ARHGEF18: variants seen among roughly 807,000 people sequenced by gnomAD.
ARHGEF18 encodes rho guanine nucleotide exchange factor 18.
A neutral mutation model predicts 155.7 loss-of-function variants in ARHGEF18; 93 were observed. That is an observed-to-expected ratio of 0.60 (90% CI 0.50 to 0.71). The LOEUF (loss-of-function observed/expected upper bound fraction) is 0.71. Ranked by LOEUF, ARHGEF18 falls within the 30% of genes least tolerant of loss-of-function variation. The pLI is 0.00. For missense variants in ARHGEF18, 1,593 were observed against 1,816.1 expected (o/e 0.88, Z 2.23); for synonymous variants, 742 against 753.1 (o/e 0.99, Z 0.24).
In ARHGEF18 at chr19:7,395,031, GC is replaced by G; in HGVS notation, c.967+11832del. On this transcript the variant is annotated intron_variant, in intron 10 of 28. Coordinates refer to ENST00000668164, the MANE Select transcript of ARHGEF18 (RefSeq NM_001367823.1). The surrounding 1 kb of genome is among the most constrained non-coding windows in gnomAD (Gnocchi z 5.0). ...GCAGCAGCCCCAGGTCCCCGGGAGC[GC>G]CCCGCCCTCGAGGGCACGCCTCCTT... The G allele has an allele frequency of 1.0e-6, 1 of 984,336 alleles. No individual in the cohort carries two copies. Among genetic ancestry groups the G allele is most frequent in the Non-Finnish European group, 1.2e-6 (1 of 828,968 alleles). 61.0% of individuals were successfully genotyped at this position (984,336 alleles called of 1,614,324 possible).
At chr19:7,418,713 T>G (rs1414569367) in intron 10 of ARHGEF18, among the ~76,000 whole-genome samples, 2 of 152,048 alleles carry the variant, frequency 1.3e-5, no homozygotes, top group Non-Finnish European at 1.5e-5. Flanking sequence ...GTGGCTGCGA[T>G]GTCTGTTCCT....
chr19:7,360,650 A>C (rs966484805), intron 1 of ARHGEF18, among the ~76,000 whole-genome samples: 1 of 152,308 alleles, frequency 6.6e-6, no homozygotes, highest in South Asian at 2.1e-4. Flanking sequence ...GACCCTGTCC[A>C]GTGAAGCAAG....
intron 4 of ARHGEF18, among the ~76,000 whole-genome samples, chr19:7,376,128 G>A (rs185715088): frequency 4.5e-4 from 68 of 152,290 alleles, no homozygotes; most frequent in Non-Finnish European, 6.2e-4. Context: ...AAGGGCTGGA[G>A]ACAAGGGGAT....
Position 7,444,173 on chromosome 19 carries a change from T to A in ARHGEF18, c.1361-31T>A. On this transcript the variant is annotated intron_variant, in intron 13 of 28. Coordinates refer to ENST00000668164, the MANE Select transcript of ARHGEF18 (RefSeq NM_001367823.1). The surrounding 1 kb of genome is among the most constrained non-coding windows in gnomAD (Gnocchi z 4.7). ...GCCCAGCGGGGCCGTGGAGCCAGCA[T>A]GGCTAAGTCCTGCCGTCTGTGTCCC... 1.9e-6 allele frequency: 3 copies of A among 1,603,988 alleles called. No individual in the cohort carries two copies. The highest frequency in any genetic ancestry group is 2.6e-6 in the Non-Finnish European group (3 of 1,173,168).
intron 1 of ARHGEF18, among the ~76,000 whole-genome samples, chr19:7,351,464 C>A (rs1384363797): frequency 6.7e-6 from 1 of 148,744 alleles, no homozygotes; most frequent in Non-Finnish European, 1.5e-5. Flanking sequence ...GCTGGGACTA[C>A]AGGCGCCCGC....
rs906980036 is a variant in ARHGEF18 at position 7,371,924 on chromosome 19, T to A, written c.16-888T>A. Among the ~76,000 whole-genome samples, 3 of 152,094 alleles carry A rather than the reference T, an allele frequency of 2.0e-5. No homozygotes were observed. In the South Asian group the frequency reaches 6.2e-4, roughly 32 times the overall value. ...TATAAAGACATCAACATGGGTGAGTTCTGGGTAAAGGGCAAACCCTGCGTA... is the reference window on the plus strand; with the variant it reads ...TATAAAGACATCAACATGGGTGAGTACTGGGTAAAGGGCAAACCCTGCGTA... On this transcript the variant is annotated intron_variant, in intron 2 of 28. Transcript: ENST00000668164.
At position 7,367,763 on chromosome 19, in the gene ARHGEF18, ATATATATATACACATATATATATTT is replaced by A. The variant is rs1969959426; in HGVS notation, c.15+4869_15+4893del. 9.4e-5 allele frequency among the ~76,000 whole-genome samples: 12 copies of A among 127,778 alleles called. 1 individual carries two copies. The highest frequency in any genetic ancestry group is 2.2e-4 in the African/African-American group (6 of 26,950). 83.8% of individuals were successfully genotyped at this position (127,778 alleles called of 152,430 possible). On this transcript the variant is annotated intron_variant, in intron 2 of 28. Coordinates refer to ENST00000668164, the MANE Select transcript of ARHGEF18 (RefSeq NM_001367823.1). ...CTCCATCTCAAAAAAAAAAAAATAT[ATATATATATACACATATATATATTT>A]TATATATATATACACATATATATAT...
intron 10 of ARHGEF18, among the ~76,000 whole-genome samples, chr19:7,432,583 C>T (rs1974027223): frequency 6.6e-6 from 1 of 152,188 alleles, no homozygotes. Flanking sequence ...TCAAGGGATC[C>T]TCCTGCCTCA....
rs1362776286 is a variant in ARHGEF18 at position 7,447,142 on chromosome 19, A to G, written c.1711A>G (p.Asn571Asp). Reference sequence around the variant, plus strand: ...TCATTACAAGTTGCTGCTTCAGCAAAACAAGAAATTTCAAAACTTGATCAA... The same window carrying G: ...TCATTACAAGTTGCTGCTTCAGCAAGACAAGAAATTTCAAAACTTGATCAA... ...VSHYKLLLQQ[N>D]KKFQNLIKKI... is the part of the protein sequence containing the mutation. Residue 571 changes from asparagine to aspartate, a missense_variant, in exon 15 of 29, where the codon AAC becomes GAC. Physicochemically the swap from Asn to Asp is conservative, Grantham distance 23 (BLOSUM62 1). Coordinates refer to ENST00000668164, the MANE Select transcript of ARHGEF18 (RefSeq NM_001367823.1). The G allele has an allele frequency of 6.2e-7, 1 of 1,613,248 alleles. No individual in the cohort carries two copies. Among genetic ancestry groups the G allele is most frequent in the Non-Finnish European group, 8.5e-7 (1 of 1,179,708 alleles).
intron 2 of ARHGEF18, among the ~76,000 whole-genome samples, chr19:7,369,732 T>C (rs922885037): frequency 6.6e-6 from 1 of 151,458 alleles, no homozygotes; most frequent in African/African-American, 2.4e-5. Flanking sequence ...GGGAGGCAGA[T>C]GTTTCAGTGA....
intron 7 of ARHGEF18, 129 bp from the exon 8 acceptor site, chr19:7,380,788 C>A: frequency 2.2e-6 from 1 of 462,438 alleles, no homozygotes; most frequent in Non-Finnish European, 3.5e-6. Context: ...CATATACAAG[C>A]CCAGAGTGTC....
chr19:7,391,770 G>A (rs1018082105), intron 10 of ARHGEF18, among the ~76,000 whole-genome samples: 1 of 151,794 alleles, frequency 6.6e-6, no homozygotes, highest in Non-Finnish European at 1.5e-5. Flanking sequence ...TGGCATCTAG[G>A]AGGTAGAGAC....
At chr19:7,427,898 C>T (rs150208824) in intron 10 of ARHGEF18, among the ~76,000 whole-genome samples, 1,843 of 151,924 alleles carry the variant, frequency 0.012, 25 homozygotes, top group Non-Finnish European at 0.019. Flanking sequence ...GAGCCAAGAT[C>T]GTGCCACTGT....
chr19:7,410,526 G>A (rs979611792), intron 10 of ARHGEF18, among the ~76,000 whole-genome samples: 1 of 151,606 alleles, frequency 6.6e-6, no homozygotes, highest in African/African-American at 2.4e-5. Flanking sequence ...TGTTTTTCAG[G>A]GGCTGGGCAT....
At chr19:7,398,097 C>T (rs1600294179) in intron 10 of ARHGEF18, among the ~76,000 whole-genome samples, 3 of 151,756 alleles carry the variant, frequency 2.0e-5, no homozygotes, top group African/African-American at 7.3e-5. Context: ...TTTTTTGAGA[C>T]GGTCTCGCTC....
rs200643326 is a variant in ARHGEF18, at chr19:7,440,260, A to C, written c.968-84A>C. ...AAGATCCTGTCTGTGCTGCGGCCGC[A>C]GTCGGAGCGGGGCTTCCGCGCCGGG... is the stretch of plus-strand genomic sequence containing the variant. On this transcript the variant is annotated intron_variant, in intron 10 of 28. Coordinates refer to ENST00000668164, the MANE Select transcript of ARHGEF18 (RefSeq NM_001367823.1). This position sits in a 1 kb window ranked among gnomAD's most constrained non-coding sequence, Gnocchi z 5.4. The C allele has an allele frequency of 1.6e-4, 251 of 1,556,484 alleles. 1 individual carries two copies. The highest frequency in any genetic ancestry group is 1.3e-4 in the South Asian group (11 of 84,850).
intron 10 of ARHGEF18, among the ~76,000 whole-genome samples, chr19:7,413,798 C>T (rs1972837036): frequency 6.6e-6 from 1 of 152,044 alleles, no homozygotes; most frequent in South Asian, 2.1e-4. Flanking sequence ...ATCTTTTAGC[C>T]ATGCTCATCG....
intron 1 of ARHGEF18, among the ~76,000 whole-genome samples, chr19:7,359,497 A>T (rs1478220432): frequency 6.8e-6 from 1 of 146,216 alleles, no homozygotes; most frequent in East Asian, 1.9e-4. Context: ...GGCTCAGTCT[A>T]TGATACCAGG....
chr19:7,432,239 A>C (rs976185079), intron 10 of ARHGEF18, among the ~76,000 whole-genome samples: 1 of 152,170 alleles, frequency 6.6e-6, no homozygotes, highest in African/African-American at 2.4e-5. Context: ...TGAAAACTTC[A>C]TCTGGCATCA....
Sources: gnomAD v4.1 joint callset for allele counts (sites outside exome capture counted in the v4.1 genomes callset) on GRCh38, gnomAD v4.1.1 for gene constraint, Gnocchi (gnomAD v3.1) non-coding constraint, MANE v1.5 for transcripts, NCBI Gene and HGNC (gene_info 2026-07-23, HGNC 2026-07-21) for gene names.